ASIC2: variants seen among roughly 807,000 people sequenced by gnomAD.
The protein encoded by ASIC2 is acid sensing ion channel subunit 2.
Under a neutral mutation model 57.3 loss-of-function variants are expected in ASIC2, and 25 were observed. The observed-to-expected ratio is 0.44, with a 90% CI of 0.32 to 0.61. The LOEUF is 0.61. Ranked by LOEUF, ASIC2 falls within the 20% of genes least tolerant of loss-of-function variation. ASIC2 has a pLI of 0.06. For missense variants in ASIC2, 641 were observed against 738.1 expected (o/e 0.87, Z 1.52); for synonymous variants, 319 against 307.5 (o/e 1.04, Z -0.39).
At chr17:33,745,407 GA>G (rs74267094) in intron 1 of ASIC2, among the ~76,000 whole-genome samples, 62,888 of 145,114 alleles carry the variant, frequency 0.43, 14,141 homozygotes, top group Non-Finnish European at 0.53. Flanking sequence ...CAAATTTACT[GA>G]AAAAAAAAAA....
upstream of ASIC2, among the ~76,000 whole-genome samples, chr17:33,294,590 G>T (rs763560341): frequency 6.6e-6 from 1 of 151,796 alleles, no homozygotes; most frequent in Non-Finnish European, 1.5e-5. Flanking sequence ...CATCCACACA[G>T]TCACACATGT....
chr17:33,563,015 C>G (rs1916123781), intron 1 of ASIC2, among the ~76,000 whole-genome samples: 1 of 152,148 alleles, frequency 6.6e-6, no homozygotes, highest in African/African-American at 2.4e-5. Flanking sequence ...CTAGTGGGCT[C>G]TAGGAGGAGC....
chr17:33,439,783 A>G (rs1234945791), intron 1 of ASIC2, among the ~76,000 whole-genome samples: 1 of 152,152 alleles, frequency 6.6e-6, no homozygotes, highest in African/African-American at 2.4e-5. Context: ...AATAAAGATG[A>G]TTCAACATGT....
intron 1 of ASIC2, among the ~76,000 whole-genome samples, chr17:33,374,135 A>G (rs961156570): frequency 6.6e-6 from 1 of 151,922 alleles, no homozygotes; most frequent in Non-Finnish European, 1.5e-5. Context: ...AGTTGGGATT[A>G]CAGGTGCGCA....
At chr17:34,147,895 C>T (rs1410933059) in intron 1 of ASIC2, among the ~76,000 whole-genome samples, 1 of 152,178 alleles carries the variant, frequency 6.6e-6, no homozygotes, top group African/African-American at 2.4e-5. Context: ...GGAGCACCAC[C>T]TCTAATGGCA....
intron 1 of ASIC2, among the ~76,000 whole-genome samples, chr17:33,148,289 C>T (rs1420000460): frequency 6.6e-6 from 1 of 152,208 alleles, no homozygotes; most frequent in Non-Finnish European, 1.5e-5. Flanking sequence ...TGATTAAACT[C>T]ATTCCACAGG....
At chr17:33,555,807 C>T (rs917913834) in intron 1 of ASIC2, among the ~76,000 whole-genome samples, 4 of 152,046 alleles carry the variant, frequency 2.6e-5, no homozygotes, top group Admixed American at 2.0e-4. Flanking sequence ...GCCTTGATTT[C>T]GGGGTTTGAG....
chr17:33,996,797 C>A (rs900436383), intron 1 of ASIC2, among the ~76,000 whole-genome samples: 1 of 152,202 alleles, frequency 6.6e-6, no homozygotes, highest in African/African-American at 2.4e-5. Context: ...TCCAAGGCCT[C>A]TGGCTTTGTA....
chr17:33,099,633 A>T (rs545023540), intron 2 of ASIC2, among the ~76,000 whole-genome samples: 1 of 152,204 alleles, frequency 6.6e-6, no homozygotes, highest in Non-Finnish European at 1.5e-5. Flanking sequence ...GAGTTTTCCT[A>T]GTGCATTCAG....
intron 1 of ASIC2, chr17:33,569,328 T>C (rs1162776366): frequency 6.6e-6 from 1 of 152,256 alleles, no homozygotes; most frequent in Non-Finnish European, 1.5e-5. Context: ...TTGTGATCTG[T>C]TCCCAGGGAC....
chr17:33,929,023 G>T (rs1194945532), intron 1 of ASIC2, among the ~76,000 whole-genome samples: 2 of 151,930 alleles, frequency 1.3e-5, no homozygotes, highest in African/African-American at 4.8e-5. Context: ...CCACCCACTC[G>T]CATGCTTTTA....
At chr17:33,422,524 G>A (rs1911080429) in intron 1 of ASIC2, among the ~76,000 whole-genome samples, 1 of 152,194 alleles carries the variant, frequency 6.6e-6, no homozygotes, top group Non-Finnish European at 1.5e-5. Context: ...ATCGTAGAGT[G>A]AGGTAGTTGA....
intron 1 of ASIC2, among the ~76,000 whole-genome samples, chr17:33,952,377 G>A (rs1904605859): frequency 6.6e-6 from 1 of 152,190 alleles, no homozygotes; most frequent in South Asian, 2.1e-4. Flanking sequence ...GCGGTGCTAT[G>A]TGATCCTAGG....
At chr17:33,401,367 G>C (rs947108925) in intron 1 of ASIC2, among the ~76,000 whole-genome samples, 21 of 152,004 alleles carry the variant, frequency 1.4e-4, no homozygotes, top group Non-Finnish European at 1.5e-5. Context: ...TCCATTCCTT[G>C]ATCCCTTGCC....
At chr17:34,056,367 A>G (rs901413148) in intron 1 of ASIC2, among the ~76,000 whole-genome samples, 2 of 152,134 alleles carry the variant, frequency 1.3e-5, no homozygotes, top group Non-Finnish European at 1.5e-5. Context: ...AAATACCTCA[A>G]CATCTTGTGG....
intron 1 of ASIC2, among the ~76,000 whole-genome samples, chr17:33,199,114 C>A (rs1035670004): frequency 2.6e-5 from 4 of 152,184 alleles, no homozygotes; most frequent in Non-Finnish European, 5.9e-5. Context: ...GAGCAGGGAG[C>A]AGGTGAGACC....
At chr17:33,919,017 G>A (rs1237275848) in intron 1 of ASIC2, among the ~76,000 whole-genome samples, 2 of 152,284 alleles carry the variant, frequency 1.3e-5, no homozygotes, top group African/African-American at 4.8e-5. Context: ...TGAAGGATTG[G>A]GGGGTGTGCC....
chr17:33,654,947 G>A (rs1907031364), intron 1 of ASIC2, among the ~76,000 whole-genome samples: 1 of 152,134 alleles, frequency 6.6e-6, no homozygotes, highest in Admixed American at 6.5e-5. Context: ...CTGGGCAACA[G>A]AATGAGACCC....
chr17:33,667,478 C>T (rs3115682), intron 1 of ASIC2, among the ~76,000 whole-genome samples: 140,918 of 152,274 alleles, frequency 0.93, 65,297 homozygotes, highest in East Asian at 0.96. Context: ...CCTCTTTCTT[C>T]TCTTGCTACT....
Sources: gnomAD v4.1 joint callset for allele counts (sites outside exome capture counted in the v4.1 genomes callset) on GRCh38, gnomAD v4.1.1 for gene constraint, MANE v1.5 for transcripts, NCBI Gene and HGNC (gene_info 2026-07-23, HGNC 2026-07-21) for gene names.